PDZD2: variants seen among roughly 807,000 people sequenced by gnomAD.
PDZD2 encodes the protein PDZ domain containing 2, also known as PDZ domain-containing protein 2.
A neutral mutation model predicts 220.7 loss-of-function variants in PDZD2; 90 were observed. The observed-to-expected ratio is 0.41, with a 90% CI of 0.34 to 0.49. The LOEUF is 0.49. PDZD2 is among the 20% of genes least tolerant of loss of function. The probability of loss-of-function intolerance (pLI) is 0.28; values close to 1 mark genes in which losing one functional copy is unlikely to be tolerated. For synonymous variants in PDZD2, 1,375 were observed against 1,450.5 expected, an observed-to-expected ratio of 0.95 and a Z score of 1.18; for missense variants, 3,174 against 3,608.5, an observed-to-expected ratio of 0.88 and a Z score of 3.08.
chr5:31,765,598 T>G (rs894524407), intron 1 of PDZD2, among the ~76,000 whole-genome samples: 1 of 152,172 alleles, frequency 6.6e-6, no homozygotes, highest in Non-Finnish European at 1.5e-5. Context: ...CTGTGTAGCC[T>G]GAGCTGAAAA....
At position 32,090,942 on chromosome 5, in the gene PDZD2, C is replaced by T. The variant is rs766829788; in HGVS notation, c.7494C>T (p.Ser2498=). The change falls in exon 20 of 25, where the codon AGC becomes AGT. Residue 2498 remains serine, a synonymous_variant. Transcript: ENST00000438447. This position sits in a 1 kb window ranked among gnomAD's most constrained non-coding sequence, Gnocchi z 4.3. The part of the protein sequence containing the change: ...LSMPDLDKLC[S]EDYSAGPSAV... ...TGCCTGACCTTGACAAGCTCTGCAG[C>T]GAGGATTACTCAGCAGGGCCGAGCG... The T allele has an allele frequency of 2.4e-5, 39 of 1,613,822 alleles. No individual in the cohort carries two copies. In the Admixed American group the frequency reaches 5.2e-4, roughly 21 times the overall value.
intron 2 of PDZD2, among the ~76,000 whole-genome samples, chr5:31,850,502 A>G (rs558848540): frequency 6.6e-6 from 1 of 152,106 alleles, no homozygotes; most frequent in South Asian, 2.1e-4. Context: ...CTTCTGCTTA[A>G]ACATGCAAAA....
chr5:31,961,136 T>C (rs1324826999), intron 2 of PDZD2, among the ~76,000 whole-genome samples: 1 of 151,750 alleles, frequency 6.6e-6, no homozygotes, highest in Non-Finnish European at 1.5e-5. Flanking sequence ...GCTGGGGGAG[T>C]TATGTGTTTT....
At chr5:31,996,310 G>A (rs975571282) in intron 4 of PDZD2, among the ~76,000 whole-genome samples, 4 of 152,250 alleles carry the variant, frequency 2.6e-5, no homozygotes, top group Admixed American at 2.0e-4. Context: ...AGGCGCAGTA[G>A]CTCACGCCTG....
intron 2 of PDZD2, among the ~76,000 whole-genome samples, chr5:31,900,064 C>T (rs1312757972): frequency 6.6e-6 from 1 of 152,224 alleles, no homozygotes; most frequent in Non-Finnish European, 1.5e-5. Flanking sequence ...TATAGAGGCG[C>T]TGACATAATG....
At chr5:31,658,513 T>C (rs1170868914) in intron 1 of PDZD2, among the ~76,000 whole-genome samples, 4 of 152,208 alleles carry the variant, frequency 2.6e-5, no homozygotes, top group Non-Finnish European at 5.9e-5. Context: ...TGTGTCTGTG[T>C]TTCCTCTCCA....
At chr5:31,873,698 G>C (rs532077630) in intron 2 of PDZD2, among the ~76,000 whole-genome samples, 2 of 151,044 alleles carry the variant, frequency 1.3e-5, no homozygotes, top group African/African-American at 4.9e-5. Context: ...CACTGCACCC[G>C]GCCAGAAATT....
At chr5:31,670,131 A>G (rs940594775) in intron 1 of PDZD2, among the ~76,000 whole-genome samples, 2 of 152,130 alleles carry the variant, frequency 1.3e-5, no homozygotes, top group Non-Finnish European at 2.9e-5. Context: ...CCTGATGCTT[A>G]GCAATTCAGT....
At chr5:31,681,959 C>A (rs939455579) in intron 1 of PDZD2, among the ~76,000 whole-genome samples, 1 of 152,146 alleles carries the variant, frequency 6.6e-6, no homozygotes. Context: ...AGCTTAGATT[C>A]CTTACCAGAA....
chr5:31,710,963 A>G (rs1748070646), intron 1 of PDZD2, among the ~76,000 whole-genome samples: 1 of 152,224 alleles, frequency 6.6e-6, no homozygotes, highest in African/African-American at 2.4e-5. Context: ...TACATGTTGT[A>G]AAAAGAAAAA....
At chr5:31,911,543 C>T (rs943137613) in intron 2 of PDZD2, among the ~76,000 whole-genome samples, 1 of 152,220 alleles carries the variant, frequency 6.6e-6, no homozygotes, top group Admixed American at 6.5e-5. Context: ...CGCTTCCTTT[C>T]GTTTCTCTGT....
intron 17 of PDZD2, 72 bp from the exon 18 acceptor site, chr5:32,073,760 G>A: frequency 1.1e-6 from 1 of 905,964 alleles, no homozygotes; most frequent in Non-Finnish European, 1.7e-6. Flanking sequence ...TGTAATGATG[G>A]GGTCAGATGA....
At position 31,983,457 on chromosome 5, in the gene PDZD2, A is replaced by G; in HGVS notation, c.779A>G (p.Asn260Ser). Reference sequence around the variant, plus strand: ...AACGGCCCTGACCCTGAACTTGGAAACGGCCATGTCTTTCAGCTAGAAAAT... The same window carrying G: ...AACGGCCCTGACCCTGAACTTGGAAGCGGCCATGTCTTTCAGCTAGAAAAT... ...LENGPDPELG[N>S]GHVFQLENGP... Residue 260 changes from asparagine (N) to serine (S), a missense_variant, in exon 3 of 25, where the codon AAC becomes AGC. Physicochemically the swap from Asn to Ser is conservative, Grantham distance 46. Transcript: ENST00000438447. 1 of 1,614,208 alleles carries G rather than the reference A, an allele frequency of 6.2e-7. No individual in the cohort carries two copies. Among genetic ancestry groups the G allele is most frequent in the South Asian group, 1.1e-5 (1 of 91,084 alleles).
At chr5:31,726,251 G>A (rs1023208022) in intron 1 of PDZD2, among the ~76,000 whole-genome samples, 10 of 152,204 alleles carry the variant, frequency 6.6e-5, no homozygotes, top group East Asian at 3.9e-4. Context: ...AGCATGGGCC[G>A]GGCGCGGTGG....
intron 13 of PDZD2, 140 bp from the exon 14 acceptor site, chr5:32,060,862 A>G: frequency 1.5e-6 from 1 of 663,192 alleles, no homozygotes; most frequent in South Asian, 2.2e-5. Flanking sequence ...TTTTACATGT[A>G]TGCCAACGGG....
At chr5:31,733,179 A>G (rs999294927) in intron 1 of PDZD2, among the ~76,000 whole-genome samples, 3 of 152,246 alleles carry the variant, frequency 2.0e-5, no homozygotes, top group Non-Finnish European at 1.5e-5. Context: ...GGGGTGGGTT[A>G]CCTTCCAGTG....
chr5:31,786,329 G>C (rs1331663128), intron 1 of PDZD2, among the ~76,000 whole-genome samples: 1 of 152,116 alleles, frequency 6.6e-6, no homozygotes, highest in Admixed American at 6.5e-5. Context: ...AGAGGCTGTG[G>C]GGCCTCAGTG....
At chr5:31,938,308 C>T (rs1341839895) in intron 2 of PDZD2, among the ~76,000 whole-genome samples, 1 of 152,114 alleles carries the variant, frequency 6.6e-6, no homozygotes, top group African/African-American at 2.4e-5. Context: ...TGAATGGGCT[C>T]TTGTTTGGGA....
chr5:31,903,723 TTTTG>T (rs1193203872), intron 2 of PDZD2, among the ~76,000 whole-genome samples: 1 of 151,990 alleles, frequency 6.6e-6, no homozygotes, highest in Non-Finnish European at 1.5e-5. Flanking sequence ...CATTTTTTGT[TTTTG>T]TTTTTTTCTT....
Sources: gnomAD v4.1 joint callset for allele counts (sites outside exome capture counted in the v4.1 genomes callset) on GRCh38, gnomAD v4.1.1 for gene constraint, Gnocchi (gnomAD v3.1) non-coding constraint, MANE v1.5 for transcripts, NCBI Gene and HGNC (gene_info 2026-07-23, HGNC 2026-07-21) for gene names.